The following FOXP2 variants were observed in gnomAD, a reference collection of about 807,000 sequenced individuals.
FOXP2 encodes forkhead box P2, also known as forkhead box protein P2.
In FOXP2, 12 loss-of-function variants were observed where a neutral mutation model predicts 115.8. That is an observed-to-expected ratio of 0.10 (90% CI 0.07 to 0.17). FOXP2 has a LOEUF of 0.17. FOXP2 is among the 10% of genes least tolerant of loss of function. FOXP2 has a pLI of 1.00. For synonymous variants in FOXP2, 328 were observed against 297.7 expected, an observed-to-expected ratio of 1.10 and a Z score of -1.05; for missense variants, 629 against 843.5, an observed-to-expected ratio of 0.75 and a Z score of 3.15.
chr7:114,517,159 T>A (rs902516898), intron 2 of FOXP2, among the ~76,000 whole-genome samples: 4 of 152,202 alleles, frequency 2.6e-5, no homozygotes, highest in African/African-American at 9.7e-5. Flanking sequence ...CTTTGTAAAA[T>A]GTCTATTCAG....
rs537967665 is a variant in FOXP2 at position 114,627,769 on chromosome 7, G to T, written c.259-771G>T. Among the ~76,000 whole-genome samples, 17 of 152,206 alleles carry T rather than the reference G, an allele frequency of 1.1e-4. No individual in the cohort carries two copies. The South Asian group carries it at 3.5e-3, about 32-fold the overall frequency. ...TTACTTTTATTATTTTCAGTTTAAT[G>T]AATAACCTTTGAGTAATTGCTAAAT... On this transcript the variant is annotated intron_variant, in intron 3 of 16. Transcript: ENST00000350908.
At chr7:114,372,305 C>A (rs1792032092) in intron 2 of FOXP2, among the ~76,000 whole-genome samples, 1 of 151,742 alleles carries the variant, frequency 6.6e-6, no homozygotes, top group Non-Finnish European at 1.5e-5. Flanking sequence ...GCAATTCCCC[C>A]AAAGATCATA....
chr7:114,451,183 G>T (rs1795058173), intron 2 of FOXP2, among the ~76,000 whole-genome samples: 1 of 152,018 alleles, frequency 6.6e-6, no homozygotes, highest in Admixed American at 6.6e-5. Flanking sequence ...TTTAATGCTT[G>T]TTCTTTCAAG....
intron 1 of FOXP2, among the ~76,000 whole-genome samples, chr7:114,192,122 G>C (rs956664104): frequency 1.3e-5 from 2 of 152,222 alleles, no homozygotes; most frequent in African/African-American, 4.8e-5. Flanking sequence ...ATTTGTAGTG[G>C]ACTACAGGCA....
At chr7:114,653,602 C>G in intron 9 of FOXP2, 1 of 369,300 alleles carries the variant, frequency 2.7e-6, no homozygotes, top group South Asian at 2.2e-5. Context: ...GTCCACAGGA[C>G]TTTAAAGAGA....
In FOXP2 at chr7:114,468,983, A is replaced by G. The variant is rs185882303; in HGVS notation, c.168+42304A>G. Among the ~76,000 whole-genome samples, 523 of 152,240 alleles carry G rather than the reference A, an allele frequency of 3.4e-3. 2 individuals are homozygous for G. The highest frequency in any genetic ancestry group is 6.8e-3 in the Middle Eastern group (2 of 294). Reference sequence around the variant, plus strand: ...AGAACTCTTAGTAAAGCACTTATCTATTCTCAGTCTTCACTTGGCCTCTCT... The same window carrying G: ...AGAACTCTTAGTAAAGCACTTATCTGTTCTCAGTCTTCACTTGGCCTCTCT... On this transcript the variant is annotated intron_variant, in intron 2 of 16. Coordinates refer to ENST00000350908, the MANE Select transcript of FOXP2 (RefSeq NM_014491.4).
At chr7:114,626,608 T>C in intron 3 of FOXP2, among the ~76,000 whole-genome samples, 1 of 151,818 alleles carries the variant, frequency 6.6e-6, no homozygotes, top group East Asian at 1.9e-4. Flanking sequence ...ATCATCTATC[T>C]ATCTATCTAG....
intron 1 of FOXP2, among the ~76,000 whole-genome samples, chr7:114,168,206 A>C (rs538217338): frequency 1.3e-5 from 2 of 152,178 alleles, no homozygotes; most frequent in African/African-American, 2.4e-5. Flanking sequence ...AAAAATGTGG[A>C]AGTTATTTTG....
At chr7:114,676,204 T>C (rs1481037764) in intron 16 of FOXP2, among the ~76,000 whole-genome samples, 2 of 151,504 alleles carry the variant, frequency 1.3e-5, no homozygotes, top group Non-Finnish European at 2.9e-5. Context: ...GCTGGGATTA[T>C]AGGCGTGAGC....
At chr7:114,570,976 A>G (rs1171867706) in intron 3 of FOXP2, 6 of 1,012,760 alleles carry the variant, frequency 5.9e-6, no homozygotes, top group Admixed American at 3.4e-5. Flanking sequence ...TCTATAGCCA[A>G]TCCCTTCCAT....
chr7:114,458,275 C>T (rs1303886793), intron 2 of FOXP2, among the ~76,000 whole-genome samples: 2 of 151,868 alleles, frequency 1.3e-5, no homozygotes, highest in Non-Finnish European at 2.9e-5. Flanking sequence ...GAATTGATAT[C>T]GATAACCTTA....
At chr7:114,603,478 A>C (rs188426101) in intron 3 of FOXP2, among the ~76,000 whole-genome samples, 2 of 152,326 alleles carry the variant, frequency 1.3e-5, no homozygotes, top group East Asian at 3.9e-4. Context: ...CTAATGACCA[A>C]TTAATTGGTA....
At chr7:114,525,377 G>A (rs1798811058) in intron 2 of FOXP2, among the ~76,000 whole-genome samples, 1 of 152,184 alleles carries the variant, frequency 6.6e-6, no homozygotes, top group Admixed American at 6.5e-5. Context: ...ATTACTAGCT[G>A]TATTAAATTA....
chr7:114,369,060 G>A (rs1457695458), intron 2 of FOXP2, among the ~76,000 whole-genome samples: 1 of 152,160 alleles, frequency 6.6e-6, no homozygotes, highest in African/African-American at 2.4e-5. Flanking sequence ...TGTTGTTTCT[G>A]GCTGCTAGCT....
intron 1 of FOXP2, among the ~76,000 whole-genome samples, chr7:114,119,226 G>A (rs189343219): frequency 1.3e-5 from 2 of 152,174 alleles, no homozygotes; most frequent in East Asian, 1.9e-4. Flanking sequence ...ATCAGAAGCC[G>A]GAGAGTGACA....
At chr7:114,221,277 T>G (rs1794614076) in intron 1 of FOXP2, among the ~76,000 whole-genome samples, 1 of 152,164 alleles carries the variant, frequency 6.6e-6, no homozygotes, top group Non-Finnish European at 1.5e-5. Context: ...TACTTTGTGG[T>G]TTTTTTATTT....
intron 2 of FOXP2, among the ~76,000 whole-genome samples, chr7:114,358,135 A>G (rs1791658742): frequency 6.6e-6 from 1 of 152,108 alleles, no homozygotes; most frequent in Admixed American, 6.6e-5. Context: ...TGTTCTCATG[A>G]TAGTGGAATA....
intron 2 of FOXP2, among the ~76,000 whole-genome samples, chr7:114,524,244 T>G (rs1324035244): frequency 6.6e-6 from 1 of 152,162 alleles, no homozygotes; most frequent in African/African-American, 2.4e-5. Context: ...AGAGACACTT[T>G]TTTAAGGGGA....
intron 1 of FOXP2, among the ~76,000 whole-genome samples, chr7:114,145,339 C>T (rs1306302699): frequency 2.0e-5 from 3 of 152,064 alleles, no homozygotes. Context: ...TTAGACCTTA[C>T]ATCTTATTTT....
Sources: allele counts gnomAD v4.1 joint callset (sites outside exome capture counted in the v4.1 genomes callset), GRCh38; gene constraint gnomAD v4.1.1; transcripts MANE v1.5; gene names NCBI Gene and HGNC (gene_info 2026-07-23, HGNC 2026-07-21).